Variants in RAPGEF6 observed in about 807,000 individuals in gnomAD.
The protein encoded by RAPGEF6 is PDZ domain containing guanine nucleotide exchange factor (GEF) 2.
In RAPGEF6, 56 loss-of-function variants were observed where a neutral mutation model predicts 171.4. That is an observed-to-expected ratio of 0.33 (90% CI 0.26 to 0.41). The LOEUF (loss-of-function observed/expected upper bound fraction) is 0.41. Ranked by LOEUF, RAPGEF6 falls within the 10% of genes least tolerant of loss-of-function variation. RAPGEF6 has a pLI of 1.00. For synonymous variants in RAPGEF6, 692 were observed against 650.1 expected (o/e 1.06, Z -0.98); for missense variants, 1,674 against 1,921.4 (o/e 0.87, Z 2.41).
At chr5:131,522,763 G>T (rs1758586089) in intron 6 of RAPGEF6, among the ~76,000 whole-genome samples, 1 of 152,122 alleles carries the variant, frequency 6.6e-6, no homozygotes, top group African/African-American at 2.4e-5. Flanking sequence ...AAGTACCTGT[G>T]ACAGCCACTG....
At chr5:131,453,322 T>C (rs1340468816) in intron 20 of RAPGEF6, 145 bp from the exon 21 acceptor site, 11 of 1,357,364 alleles carry the variant, frequency 8.1e-6, no homozygotes, top group Admixed American at 5.5e-5. Context: ...GGTATACCCA[T>C]ACATGGTTCA....
intron 6 of RAPGEF6, among the ~76,000 whole-genome samples, chr5:131,543,354 T>C (rs1453422271): frequency 6.6e-6 from 1 of 152,182 alleles, no homozygotes; most frequent in African/African-American, 2.4e-5. Context: ...ATAATACTTT[T>C]CACGTTTTCT....
intron 6 of RAPGEF6, among the ~76,000 whole-genome samples, chr5:131,523,279 C>CTTTTTTTTTTTTTTTTT (rs1171953953): frequency 1.1e-4 from 7 of 66,654 alleles, no homozygotes; most frequent in African/African-American, 1.4e-4. Context: ...CTGTTGTATG[C>CTTTTTTTTTTTTTTTTT]TTTTTTTTTT....
At chr5:131,584,704 C>A (rs1580624191) in intron 4 of RAPGEF6, among the ~76,000 whole-genome samples, 1 of 152,164 alleles carries the variant, frequency 6.6e-6, no homozygotes, top group Admixed American at 6.5e-5. Flanking sequence ...CAGTGGCCAC[C>A]AGGACCCACA....
intron 1 of RAPGEF6, among the ~76,000 whole-genome samples, chr5:131,621,403 T>C (rs933211709): frequency 2.1e-4 from 32 of 152,058 alleles, no homozygotes; most frequent in African/African-American, 6.8e-4. Flanking sequence ...GATCCTCTCA[T>C]CTCAGCCTCC....
At chr5:131,495,353 A>G (rs1756571663) in intron 13 of RAPGEF6, among the ~76,000 whole-genome samples, 200 bp downstream of exon 13, 3 of 151,558 alleles carry the variant, frequency 2.0e-5, no homozygotes, top group African/African-American at 4.8e-5. Flanking sequence ...AATAAATGGA[A>G]GAGTCAGGAA....
chr5:131,541,143 C>T (rs1034819426), intron 6 of RAPGEF6, among the ~76,000 whole-genome samples: 3 of 152,186 alleles, frequency 2.0e-5, no homozygotes, highest in Non-Finnish European at 2.9e-5. Flanking sequence ...AATATGGGCA[C>T]ACTTCATGCA....
chr5:131,572,368 C>T (rs1393686888), intron 4 of RAPGEF6, among the ~76,000 whole-genome samples: 1 of 152,202 alleles, frequency 6.6e-6, no homozygotes, highest in Non-Finnish European at 1.5e-5. Flanking sequence ...TCTCTCGCCT[C>T]CCTTCAATCT....
At chr5:131,558,831 T>A (rs1346462159) in intron 5 of RAPGEF6, among the ~76,000 whole-genome samples, 1 of 152,178 alleles carries the variant, frequency 6.6e-6, no homozygotes, top group East Asian at 1.9e-4. Flanking sequence ...ATACTGAAAT[T>A]TTGAGACTTG....
At chr5:131,559,803 C>T (rs1761476092) in intron 5 of RAPGEF6, among the ~76,000 whole-genome samples, 1 of 147,852 alleles carries the variant, frequency 6.8e-6, no homozygotes, top group Non-Finnish European at 1.5e-5. Flanking sequence ...CACCACCGCA[C>T]ACTCTACTCT....
intron 6 of RAPGEF6, among the ~76,000 whole-genome samples, chr5:131,526,768 C>T (rs555406378): frequency 6.6e-6 from 1 of 152,298 alleles, no homozygotes; most frequent in South Asian, 2.1e-4. Flanking sequence ...TTCCCATTTT[C>T]CACAGCATCC....
At chr5:131,600,127 A>C (rs542182311) in intron 3 of RAPGEF6, among the ~76,000 whole-genome samples, 75 of 152,384 alleles carry the variant, frequency 4.9e-4, no homozygotes, top group African/African-American at 1.8e-3. Context: ...TGAATGCAAC[A>C]GATATGACAA....
chr5:131,539,781 A>G (rs1242310357), intron 6 of RAPGEF6, among the ~76,000 whole-genome samples: 1 of 152,216 alleles, frequency 6.6e-6, no homozygotes, highest in Non-Finnish European at 1.5e-5. Context: ...TCTAAACAAA[A>G]CATGGAGCAC....
chr5:131,552,966 C>T (rs1335684102), intron 5 of RAPGEF6, among the ~76,000 whole-genome samples: 1 of 152,036 alleles, frequency 6.6e-6, no homozygotes, highest in African/African-American at 2.4e-5. Flanking sequence ...AATAGAAAGT[C>T]AAAATTTAAA....
chr5:131,460,366 A>G (rs1157220344), intron 19 of RAPGEF6, among the ~76,000 whole-genome samples: 2 of 152,128 alleles, frequency 1.3e-5, no homozygotes, highest in African/African-American at 4.8e-5. Context: ...CATCATACTA[A>G]GGTATGGTTT....
At chr5:131,571,129 C>T (rs1762255703) in intron 4 of RAPGEF6, among the ~76,000 whole-genome samples, 2 of 151,672 alleles carry the variant, frequency 1.3e-5, no homozygotes, top group Admixed American at 1.3e-4. Context: ...TTTAGTAGAG[C>T]CAGGATTTCA....
chr5:131,479,442 C>G, intron 16 of RAPGEF6, 71 bp downstream of exon 16: 3 of 1,542,886 alleles, frequency 1.9e-6, no homozygotes, highest in Non-Finnish European at 2.6e-6. Flanking sequence ...ACCCAAGCCT[C>G]CCCCCACCCC....
intron 4 of RAPGEF6, among the ~76,000 whole-genome samples, chr5:131,567,782 A>G (rs1204901770): frequency 6.6e-6 from 1 of 152,224 alleles, no homozygotes; most frequent in Non-Finnish European, 1.5e-5. Flanking sequence ...TGGTTCTATT[A>G]TTGAAAGACT....
At chr5:131,428,842 A>T (rs1025723652) in intron 27 of RAPGEF6, 60 bp downstream of exon 27, 1 of 1,456,882 alleles carries the variant, frequency 6.9e-7, no homozygotes, top group Non-Finnish European at 9.4e-7. Flanking sequence ...ACCAAAGTAA[A>T]GACCATTTAA....
Sources: gnomAD v4.1 joint callset for allele counts (sites outside exome capture counted in the v4.1 genomes callset) on GRCh38, gnomAD v4.1.1 for gene constraint, MANE v1.5 for transcripts, NCBI Gene and HGNC (gene_info 2026-07-23, HGNC 2026-07-21) for gene names.